ZER1: variants seen among roughly 807,000 people sequenced by gnomAD.
ZER1 encodes zyg-11 related cell cycle regulator.
In ZER1, 11 loss-of-function variants were observed where a neutral mutation model predicts 78.8. The ratio of observed to expected loss-of-function variants is 0.14; its 90% CI spans 0.09 to 0.23. The LOEUF (loss-of-function observed/expected upper bound fraction) is 0.23. Among genes scored for constraint, ZER1 ranks in the 10% least tolerant of loss-of-function variants. The probability of loss-of-function intolerance (pLI) is 1.00; values close to 1 mark genes in which losing one functional copy is unlikely to be tolerated. For synonymous variants in ZER1, 400 were observed against 407.0 expected, an observed-to-expected ratio of 0.98 and a Z score of 0.21; for missense variants, 588 against 996.9, an observed-to-expected ratio of 0.59 and a Z score of 5.52.
At position 128,755,516 on chromosome 9, in the gene ZER1, C is replaced by A. The variant is rs1564405465; in HGVS notation, c.50G>T (p.Cys17Phe). ...ESLMALCTDF[C>F]LRNLDGTLGY... ...CAGGGTGCCATCCAGGTTGCGCAAG[C>A]AGAAGTCAGTACAGAGGGCCATCAG... The change falls in exon 2 of 16, where the codon TGC (cysteine) becomes TTC (phenylalanine). Residue 17 changes from cysteine (C) to phenylalanine (F), a missense_variant. Coordinates refer to ENST00000291900, the MANE Select transcript of ZER1 (RefSeq NM_006336.4). The surrounding 1 kb of genome is among the most constrained non-coding windows in gnomAD (Gnocchi z 5.6). 1 of 1,614,008 alleles carries A rather than the reference C, an allele frequency of 6.2e-7. No individual in the cohort carries two copies. The highest frequency in any genetic ancestry group is 1.3e-5 in the African/African-American group (1 of 74,980).
chr9:128,739,954 G>A lies in ZER1; in HGVS notation c.2019C>T (p.Asn673=), dbSNP rs901306549. The change falls in exon 13 of 16, where the codon AAC becomes AAT. Residue 673 remains asparagine, a synonymous_variant. Coordinates refer to ENST00000291900, the MANE Select transcript of ZER1 (RefSeq NM_006336.4). The part of the protein sequence containing the change: ...MWAAIQSWDI[N]SRRNINYRSF... ...ACCTGTAATTGATGTTTCTCCGAGA[G>A]TTTATGTCCCAGCTCTGGATGGCAG... 25 of 1,610,984 alleles carry A rather than the reference G, an allele frequency of 1.6e-5. No homozygotes were observed. Among genetic ancestry groups the A allele is most frequent in the Non-Finnish European group, 2.1e-5 (25 of 1,177,350 alleles).
chr9:128,742,113 C>T (rs1435032239), intron 9 of ZER1, among the ~76,000 whole-genome samples: 1 of 152,242 alleles, frequency 6.6e-6, no homozygotes, highest in African/African-American at 2.4e-5. Context: ...TTGAGCTTCG[C>T]TGCCATCAAA....
Position 128,735,760 on chromosome 9 carries a change from G to GTTTTTTT in ZER1, c.2043-330_2043-329insAAAAAAA. Among the ~76,000 whole-genome samples, 136 of 16,194 alleles carry GTTTTTTT rather than the reference G, an allele frequency of 8.4e-3. 60 individuals carry two copies. The highest frequency in any genetic ancestry group is 0.019 in the African/African-American group (114 of 6,066). 10.6% of individuals were successfully genotyped at this position (16,194 alleles called of 152,430 possible). A position where few individuals can be genotyped will look rare whatever the true frequency, so the allele number is the denominator to read the frequency against. On this transcript the variant is annotated intron_variant, in intron 13 of 15. Transcript: ENST00000291900. The stretch of plus-strand genomic sequence containing the variant: ...CTGGGAACAGAAGCACGTGTGACCT[G>GTTTTTTT]GTTTTTTTTTTTTTTTTTTTTTTTT...
chr9:128,762,520 C>T (rs1447857102), intron 1 of ZER1, among the ~76,000 whole-genome samples: 3 of 152,224 alleles, frequency 2.0e-5, no homozygotes, highest in Non-Finnish European at 4.4e-5. Context: ...AGTCACTTTT[C>T]CTCTAAAATA....
intron 1 of ZER1, among the ~76,000 whole-genome samples, chr9:128,760,811 T>TA (rs202094907): frequency 0.17 from 22,989 of 139,218 alleles, 2,342 homozygotes; most frequent in East Asian, 0.49. Context: ...AGACTCCGTT[T>TA]AAAAAAAAAA....
At position 128,733,443 on chromosome 9, in the gene ZER1, C is replaced by G. The variant is rs140579362; in HGVS notation, c.2226G>C (p.Glu742Asp). ...TCTCTTACCGGGCCATTTCCTTGGT[C>G]TCCTGCCGTGCGGTCGCCATCTTAA... ...DIIKMATARQETKEMARKVIE... is the reference protein window; with the variant it reads ...DIIKMATARQDTKEMARKVIE... Residue 742 changes from glutamate (E) to aspartate (D), a missense_variant, in exon 15 of 16, where the codon GAG becomes GAC. Coordinates refer to ENST00000291900, the MANE Select transcript of ZER1 (RefSeq NM_006336.4). The G allele has an allele frequency of 8.8e-4, 1,413 of 1,614,000 alleles. 5 individuals are homozygous for G. Among genetic ancestry groups the G allele is most frequent in the Non-Finnish European group, 1.1e-3 (1,309 of 1,179,954 alleles).
At chr9:128,734,860 T>G (rs1251234681) in intron 14 of ZER1, among the ~76,000 whole-genome samples, 1 of 151,924 alleles carries the variant, frequency 6.6e-6, no homozygotes, top group Non-Finnish European at 1.5e-5. Flanking sequence ...TTTTTTTTTT[T>G]CATGCAGACA....
At position 128,754,589 on chromosome 9, in the gene ZER1, T is replaced by C. The variant is rs1863796501; in HGVS notation, c.159-630A>G. Reference sequence around the variant, plus strand: ...AACCTAAAGCCTGACCCACGGTAAATGCTCAGGACGTTATTACAGGTCCAC... The same window carrying C: ...AACCTAAAGCCTGACCCACGGTAAACGCTCAGGACGTTATTACAGGTCCAC... On this transcript the variant is annotated intron_variant, in intron 2 of 15. Transcript: ENST00000291900. The surrounding 1 kb of genome is among the most constrained non-coding windows in gnomAD (Gnocchi z 4.3). Among the ~76,000 whole-genome samples, 1 of 152,152 alleles carries C rather than the reference T, an allele frequency of 6.6e-6. No individual in the cohort carries two copies. The highest frequency in any genetic ancestry group is 1.5e-5 in the Non-Finnish European group (1 of 68,034).
chr9:128,743,427 A>C (rs980081201), intron 8 of ZER1, among the ~76,000 whole-genome samples: 1 of 151,090 alleles, frequency 6.6e-6, no homozygotes, highest in Non-Finnish European at 1.5e-5. Flanking sequence ...TCTTTTATTT[A>C]TTTATTTTTT....
chr9:128,756,890 A>C (rs1477236590), intron 1 of ZER1, among the ~76,000 whole-genome samples: 1 of 152,244 alleles, frequency 6.6e-6, no homozygotes, highest in Non-Finnish European at 1.5e-5. Context: ...AATTATATAT[A>C]TCTCAGTAAA....
intron 5 of ZER1, among the ~76,000 whole-genome samples, chr9:128,752,327 C>CT (rs144410732): frequency 0.015 from 2,178 of 143,306 alleles, 25 homozygotes; most frequent in African/African-American, 0.033. Context: ...CAAATACTTT[C>CT]TTTTTTTTTT....
chr9:128,736,672 CTTT>C (rs777824240), intron 13 of ZER1, among the ~76,000 whole-genome samples: 11 of 129,204 alleles, frequency 8.5e-5, no homozygotes, highest in Non-Finnish European at 9.9e-5. Context: ...CATGCCTGGC[CTTT>C]TTTTTTTTTT....
chr9:128,769,752 G>A (rs1864326143), intron 1 of ZER1, among the ~76,000 whole-genome samples: 1 of 152,020 alleles, frequency 6.6e-6, no homozygotes, highest in African/African-American at 2.4e-5. Context: ...AAAAGGTCCC[G>A]TGCCCACCTT....
In ZER1 at chr9:128,741,861, T is replaced by A. The variant is rs13300656; in HGVS notation, c.1576-20A>T. 1 of 1,614,012 alleles carries A rather than the reference T, an allele frequency of 6.2e-7. No homozygotes were observed. ...CATGGTCTGCAGGCAGGGACAAGAG[T>A]CTGCTAGAGTGCTGGGGCTGAAGAA... On this transcript the variant is annotated intron_variant, in intron 9 of 15. Transcript: ENST00000291900.
chr9:128,765,689 CA>C (rs1864185843), intron 1 of ZER1, among the ~76,000 whole-genome samples: 1 of 152,098 alleles, frequency 6.6e-6, no homozygotes, highest in African/African-American at 2.4e-5. Flanking sequence ...GGGGAAAACC[CA>C]AACAAATGCC....
intron 8 of ZER1, chr9:128,745,829 TTAAA>T (rs1226359374): frequency 1.4e-5 from 2 of 147,312 alleles, no homozygotes; most frequent in African/African-American, 5.1e-5. Context: ...TTTTTTCAGT[TTAAA>T]TTTTATTTTA....
intron 1 of ZER1, among the ~76,000 whole-genome samples, chr9:128,762,805 G>A (rs1464235323): frequency 1.3e-5 from 2 of 152,200 alleles, no homozygotes; most frequent in Non-Finnish European, 2.9e-5. Flanking sequence ...AAGCCAGGAT[G>A]CCTGGGCCCC....
At position 128,751,902 on chromosome 9, in the gene ZER1, T is replaced by G. The variant is rs1448669368; in HGVS notation, c.924-375A>C. ...ACAGCTGGTAGGGTTTGGTCAAACT[T>G]CTCAACCAACCAATCCAAGAACCGA... On this transcript the variant is annotated intron_variant, in intron 5 of 15. Coordinates refer to ENST00000291900, the MANE Select transcript of ZER1 (RefSeq NM_006336.4). The surrounding 1 kb of genome is among the most constrained non-coding windows in gnomAD (Gnocchi z 5.4). 6.6e-6 allele frequency among the ~76,000 whole-genome samples: 1 copy of G among 152,128 alleles called. No individual in the cohort carries two copies. Among genetic ancestry groups the G allele is most frequent in the East Asian group, 1.9e-4 (1 of 5,182 alleles).
intron 1 of ZER1, among the ~76,000 whole-genome samples, chr9:128,765,425 C>A (rs183493363): frequency 1.3e-5 from 2 of 152,228 alleles, no homozygotes; most frequent in Non-Finnish European, 2.9e-5. Flanking sequence ...CACAACTAAG[C>A]AGAAGCTTGC....
Sources: allele counts gnomAD v4.1 joint callset (sites outside exome capture counted in the v4.1 genomes callset), GRCh38; gene constraint gnomAD v4.1.1; non-coding constraint Gnocchi (gnomAD v3.1); transcripts MANE v1.5; gene names NCBI Gene and HGNC (gene_info 2026-07-23, HGNC 2026-07-21).